The following DAB1 variants were observed in gnomAD, a reference collection of about 807,000 sequenced individuals.
The protein encoded by DAB1 is disabled homolog 1.
In DAB1, 15 loss-of-function variants were observed where a neutral mutation model predicts 64.6. The ratio of observed to expected loss-of-function variants is 0.23; its 90% CI spans 0.16 to 0.36. The LOEUF is 0.36. Ranked by LOEUF, DAB1 falls within the 10% of genes least tolerant of loss-of-function variation. The pLI is 1.00. For synonymous variants in DAB1, 235 were observed against 251.9 expected, an observed-to-expected ratio of 0.93 and a Z score of 0.64; for missense variants, 596 against 706.7, an observed-to-expected ratio of 0.84 and a Z score of 1.78.
intron 2 of DAB1, among the ~76,000 whole-genome samples, chr1:57,238,567 C>G (rs1481556490): frequency 1.3e-5 from 2 of 152,130 alleles, no homozygotes; most frequent in Non-Finnish European, 2.9e-5. Context: ...AATGAGGTCA[C>G]CTATGTTCTT....
intron 3 of DAB1, among the ~76,000 whole-genome samples, chr1:58,484,617 T>G (rs12094207): frequency 0.022 from 3,329 of 152,310 alleles, 76 homozygotes; most frequent in African/African-American, 0.061. Flanking sequence ...AAAAGCTGGC[T>G]TGGTAAATGT....
intron 1 of DAB1, among the ~76,000 whole-genome samples, chr1:58,531,555 C>G (rs1646433671): frequency 6.6e-6 from 1 of 152,118 alleles, no homozygotes; most frequent in Non-Finnish European, 1.5e-5. Flanking sequence ...GCAGTCATTA[C>G]TTGAATGTAT....
chr1:58,095,858 G>A (rs183016659), intron 5 of DAB1, among the ~76,000 whole-genome samples: 3 of 152,332 alleles, frequency 2.0e-5, no homozygotes, highest in Admixed American at 6.5e-5. Flanking sequence ...CTGACACCAT[G>A]TAAGTCCCTG....
At chr1:58,493,899 C>T (rs1300365472) in intron 3 of DAB1, among the ~76,000 whole-genome samples, 2 of 150,334 alleles carry the variant, frequency 1.3e-5, no homozygotes, top group Non-Finnish European at 3.0e-5. Flanking sequence ...ACTTTCTTCA[C>T]AGAATTGGAA....
chr1:57,186,963 C>T (rs139851691), intron 2 of DAB1, among the ~76,000 whole-genome samples: 3 of 152,244 alleles, frequency 2.0e-5, no homozygotes, highest in African/African-American at 7.2e-5. Flanking sequence ...TTTGTCATTT[C>T]TATTTTGTCA....
At chr1:57,122,855 C>A (rs1656785428) in intron 4 of DAB1, among the ~76,000 whole-genome samples, 1 of 152,042 alleles carries the variant, frequency 6.6e-6, no homozygotes, top group South Asian at 2.1e-4. Context: ...TAATGCACAT[C>A]ATCAAGGAGA....
At chr1:58,145,151 T>C (rs768565468) in intron 5 of DAB1, among the ~76,000 whole-genome samples, 6 of 152,234 alleles carry the variant, frequency 3.9e-5, no homozygotes, top group Non-Finnish European at 5.9e-5. Flanking sequence ...CAGCTTCACA[T>C]GCCAAGGAAT....
intron 1 of DAB1, among the ~76,000 whole-genome samples, chr1:57,347,374 A>T (rs529147295): frequency 4.9e-4 from 75 of 152,274 alleles, no homozygotes; most frequent in African/African-American, 1.8e-3. Flanking sequence ...TTCTCACCCA[A>T]TATATTAAGG....
chr1:58,001,969 G>A (rs919835898), intron 5 of DAB1, among the ~76,000 whole-genome samples: 1 of 152,144 alleles, frequency 6.6e-6, no homozygotes, highest in African/African-American at 2.4e-5. Flanking sequence ...AGGTTGTAAC[G>A]ATGTGGTCAC....
chr1:57,807,125 C>T (rs1651400115), intron 6 of DAB1, among the ~76,000 whole-genome samples: 1 of 152,214 alleles, frequency 6.6e-6, no homozygotes, highest in Non-Finnish European at 1.5e-5. Context: ...ACTGGCTCCA[C>T]CTTCTCCAGT....
intron 3 of DAB1, among the ~76,000 whole-genome samples, chr1:58,495,837 A>T (rs1645791450): frequency 6.6e-6 from 1 of 152,220 alleles, no homozygotes; most frequent in African/African-American, 2.4e-5. Flanking sequence ...GGAGGAAAGA[A>T]ATATCTTCCT....
At chr1:57,569,075 G>A (rs1342557269) in intron 7 of DAB1, among the ~76,000 whole-genome samples, 1 of 150,598 alleles carries the variant, frequency 6.6e-6, no homozygotes, top group Non-Finnish European at 1.5e-5. Context: ...TGGCTAACAC[G>A]GTGAAACCCC....
chr1:57,564,828 G>C (rs996186855), intron 7 of DAB1, among the ~76,000 whole-genome samples: 3 of 152,184 alleles, frequency 2.0e-5, no homozygotes, highest in Admixed American at 6.5e-5. Context: ...AAGGAGAATG[G>C]AACCAAGTTG....
chr1:57,919,289 C>T (rs975228394), intron 5 of DAB1, among the ~76,000 whole-genome samples: 1 of 152,166 alleles, frequency 6.6e-6, no homozygotes, highest in African/African-American at 2.4e-5. Context: ...GTGGCTTAGG[C>T]CCTGTATTAA....
At chr1:57,234,131 A>G (rs1010617055) in intron 2 of DAB1, among the ~76,000 whole-genome samples, 1 of 152,230 alleles carries the variant, frequency 6.6e-6, no homozygotes, top group Non-Finnish European at 1.5e-5. Context: ...TTGCTTGTAC[A>G]AATATGATTA....
chr1:57,916,054 G>A (rs181593435), intron 5 of DAB1, among the ~76,000 whole-genome samples: 341 of 152,240 alleles, frequency 2.2e-3, no homozygotes, highest in Middle Eastern at 3.4e-3. Flanking sequence ...CCAAGACCCC[G>A]GGTCTTCTTC....
At chr1:57,928,328 T>G in intron 5 of DAB1, among the ~76,000 whole-genome samples, 1 of 151,998 alleles carries the variant, frequency 6.6e-6, no homozygotes, top group East Asian at 1.9e-4. Context: ...ACAATAAAAT[T>G]CAGAGGAAGG....
intron 4 of DAB1, among the ~76,000 whole-genome samples, chr1:58,226,038 T>G (rs1659462137): frequency 6.6e-6 from 1 of 151,930 alleles, no homozygotes; most frequent in African/African-American, 2.4e-5. Context: ...GAGCCAGGAT[T>G]TGGCCTAACT....
At chr1:57,948,069 T>C (rs1936405) in intron 5 of DAB1, among the ~76,000 whole-genome samples, 61,481 of 151,928 alleles carry the variant, frequency 0.4, 13,567 homozygotes, top group Admixed American at 0.51. Flanking sequence ...GCTCTACAAC[T>C]TCTGCCTCTC....
Sources: allele counts gnomAD v4.1 joint callset (sites outside exome capture counted in the v4.1 genomes callset), GRCh38; gene constraint gnomAD v4.1.1; transcripts MANE v1.5; gene names NCBI Gene and HGNC (gene_info 2026-07-23, HGNC 2026-07-21).